The following FECH variants were observed in gnomAD, a reference collection of about 807,000 sequenced individuals.
FECH encodes the protein ferrochelatase, mitochondrial.
In FECH, 40 loss-of-function variants were observed where a neutral mutation model predicts 56.9. That is an observed-to-expected ratio of 0.70 (90% CI 0.55 to 0.92). The LOEUF (loss-of-function observed/expected upper bound fraction) is 0.92, where lower values mean the gene tolerates loss of function less well. Ranked by LOEUF, FECH falls within the 40% of genes least tolerant of loss-of-function variation. The probability of loss-of-function intolerance (pLI) is 0.00; values close to 1 mark genes in which losing one functional copy is unlikely to be tolerated. For missense variants in FECH, 431 were observed against 529.1 expected (o/e 0.81, Z 1.82); for synonymous variants, 175 against 198.6 (o/e 0.88, Z 1.00).
At chr18:57,551,815 T>A (rs111897151) in intron 9 of FECH, among the ~76,000 whole-genome samples, 1,841 of 152,318 alleles carry the variant, frequency 0.012, 22 homozygotes, top group Non-Finnish European at 0.018. Context: ...AATTAACTTA[T>A]CGACTATAAA....
chr18:57,556,128 C>T (rs1788005), intron 7 of FECH, among the ~76,000 whole-genome samples: 16,148 of 151,870 alleles, frequency 0.11, 1,275 homozygotes, highest in African/African-American at 0.21. Context: ...GACTCCATCT[C>T]GAAAACAAAA....
At chr18:57,582,006 TA>T (rs35508740) in intron 1 of FECH, among the ~76,000 whole-genome samples, 17,021 of 148,390 alleles carry the variant, frequency 0.11, 1,053 homozygotes, top group Non-Finnish European at 0.15. Flanking sequence ...GTTGGTGTTT[TA>T]AAAAAAAAAA....
intron 2 of FECH, among the ~76,000 whole-genome samples, chr18:57,578,825 GGCAT>G (rs952713641): frequency 6.6e-6 from 1 of 151,454 alleles, no homozygotes; most frequent in Non-Finnish European, 1.5e-5. Context: ...TGGGTGTGGT[GGCAT>G]GCACCTGTAA....
At chr18:57,571,647 A>G in intron 3 of FECH, 107 bp from the exon 4 acceptor site, 4 of 1,538,196 alleles carry the variant, frequency 2.6e-6, no homozygotes, top group Non-Finnish European at 3.6e-6. Context: ...AGAGAGCCTA[A>G]CAAGATTAAG....
At chr18:57,573,207 G>A (rs1451351591) in intron 3 of FECH, 39 bp downstream of exon 3, 1 of 1,598,870 alleles carries the variant, frequency 6.3e-7, no homozygotes, top group East Asian at 2.2e-5. Flanking sequence ...TGTCAATGTA[G>A]TGCCAAGGTT....
chr18:57,549,612 T>C lies in FECH; in HGVS notation c.*1100A>G, dbSNP rs955678042. On this transcript the variant is annotated 3_prime_UTR_variant, in exon 11 of 11. Transcript: ENST00000262093. ...TATTTTTAGAAACACTTTTCACTCATAAATCCAAGGTGACAATGGCATTAA... is the reference window on the plus strand; with the variant it reads ...TATTTTTAGAAACACTTTTCACTCACAAATCCAAGGTGACAATGGCATTAA... The C allele has an allele frequency of 1.3e-5, 2 of 152,088 alleles. No individual in the cohort carries two copies. The highest frequency in any genetic ancestry group is 2.9e-5 in the Non-Finnish European group (2 of 68,022). The allele number at this position is 152,088 out of a possible 1,614,324, so 9.4% of individuals were successfully genotyped here.
rs1198694659 is a variant in FECH at position 57,561,655 on chromosome 18, C to A, written c.705+1219G>T. Reference sequence around the variant, plus strand: ...AAGAGACCTTTCCATCGTTTTGCTTCCCTCCTTTTCAAAGGGCTGAATTTT... The same window carrying A: ...AAGAGACCTTTCCATCGTTTTGCTTACCTCCTTTTCAAAGGGCTGAATTTT... On this transcript the variant is annotated intron_variant, in intron 6 of 10. Coordinates refer to ENST00000262093, the MANE Select transcript of FECH (RefSeq NM_000140.5). 2.0e-5 allele frequency among the ~76,000 whole-genome samples: 3 copies of A among 152,170 alleles called. No homozygotes were observed. The East Asian group carries it at 5.8e-4, about 29-fold the overall frequency.
chr18:57,562,214 G>A (rs950099242), intron 6 of FECH, among the ~76,000 whole-genome samples: 2 of 152,114 alleles, frequency 1.3e-5, no homozygotes, highest in Admixed American at 6.6e-5. Flanking sequence ...AATTATATTT[G>A]CATAATTTAG....
rs957531501 is a variant in FECH at position 57,546,867 on chromosome 18, G to A, written c.*3845C>T. Among the ~76,000 whole-genome samples, 9 of 151,788 alleles carry A rather than the reference G, an allele frequency of 5.9e-5. No homozygotes were observed. The highest frequency in any genetic ancestry group is 2.2e-4 in the African/African-American group (9 of 41,248). On this transcript the variant is annotated 3_prime_UTR_variant, in exon 11 of 11. Transcript: ENST00000262093. ...CCCAGCTACTCCGGAGGCTGAGGCA[G>A]GATGATCCTTTGAACCCAAGAGGCG... is the stretch of plus-strand genomic sequence containing the variant.
rs578112913 is a variant in FECH, at chr18:57,586,606, G to T, written c.15C>A (p.Gly5=). 96 of 1,522,916 alleles carry T rather than the reference G, an allele frequency of 6.3e-5. No homozygotes were observed. In the African/African-American group the frequency reaches 1.1e-3, roughly 18 times the overall value. The allele number at this position is 1,522,916 out of a possible 1,614,324, so 94.3% of individuals were successfully genotyped here. A position where few individuals can be genotyped will look rare whatever the true frequency, so the allele number is the denominator to read the frequency against. The part of the protein sequence containing the change: MRSL[G]ANMAAALRAA... Reference sequence around the variant, plus strand: ...CGCGCAGGGCCGCAGCCATGTTTGCGCCGAGTGAACGCATTGCCTGGGCAG... The same window carrying T: ...CGCGCAGGGCCGCAGCCATGTTTGCTCCGAGTGAACGCATTGCCTGGGCAG... Residue 5 remains glycine, a synonymous_variant, in exon 1 of 11, where the codon GGC becomes GGA. Coordinates refer to ENST00000262093, the MANE Select transcript of FECH (RefSeq NM_000140.5).
At chr18:57,577,870 C>A (rs2051205493) in intron 2 of FECH, among the ~76,000 whole-genome samples, 1 of 151,936 alleles carries the variant, frequency 6.6e-6, no homozygotes, top group South Asian at 2.1e-4. Flanking sequence ...GCCTGAGCAA[C>A]ACAGTAAGAC....
At chr18:57,555,485 C>T (rs2050857075) in intron 7 of FECH, among the ~76,000 whole-genome samples, 1 of 152,200 alleles carries the variant, frequency 6.6e-6, no homozygotes, top group African/African-American at 2.4e-5. Flanking sequence ...CACTTCCTCT[C>T]TCCCCACTCT....
At chr18:57,554,482 C>T in intron 8 of FECH, 58 bp from the exon 9 acceptor site, 1 of 1,590,520 alleles carries the variant, frequency 6.3e-7, no homozygotes, top group Non-Finnish European at 8.6e-7. Context: ...GTCTGTAGTA[C>T]CCCTGTTTGC....
chr18:57,555,889 G>A (rs1006035236), intron 7 of FECH, among the ~76,000 whole-genome samples: 1 of 152,234 alleles, frequency 6.6e-6, no homozygotes, highest in African/African-American at 2.4e-5. Flanking sequence ...AGCACTTTGG[G>A]AGGCTGAGGT....
At chr18:57,551,470 T>TAC in intron 9 of FECH, 96 bp from the exon 10 acceptor site, 3 of 896,384 alleles carry the variant, frequency 3.3e-6, no homozygotes, top group East Asian at 2.6e-5. Flanking sequence ...TACACACAGA[T>TAC]ACACACACAC....
At chr18:57,556,244 C>T (rs930725463) in intron 7 of FECH, among the ~76,000 whole-genome samples, 2 of 152,144 alleles carry the variant, frequency 1.3e-5, no homozygotes, top group Admixed American at 6.5e-5. Flanking sequence ...CACAAAGTTG[C>T]CATTAGGACA....
intron 3 of FECH, 80 bp from the exon 4 acceptor site, chr18:57,571,620 A>G (rs776971322): frequency 1.9e-6 from 3 of 1,607,410 alleles, no homozygotes; most frequent in Non-Finnish European, 8.5e-7. Context: ...AATAAAAAAG[A>G]AAAAAAGCAA....
chr18:57,586,496 C>T (rs1008530795), intron 1 of FECH, 58 bp downstream of exon 1: 43 of 1,501,212 alleles, frequency 2.9e-5, no homozygotes, highest in Middle Eastern at 4.0e-4. Context: ...GCTGCCCGCT[C>T]TGCCCACGCC....
At chr18:57,553,627 C>T (rs1011822790) in intron 9 of FECH, among the ~76,000 whole-genome samples, 1 of 152,230 alleles carries the variant, frequency 6.6e-6, no homozygotes, top group African/African-American at 2.4e-5. Context: ...TTTTCTCCTC[C>T]CTGAATGACA....
Sources: allele counts gnomAD v4.1 joint callset (sites outside exome capture counted in the v4.1 genomes callset), GRCh38; gene constraint gnomAD v4.1.1; transcripts MANE v1.5; gene names NCBI Gene and HGNC (gene_info 2026-07-23, HGNC 2026-07-21).